The following MAN1A1 variants were observed in gnomAD, a reference collection of about 807,000 sequenced individuals.
The protein encoded by MAN1A1 is mannosyl-oligosaccharide 1,2-alpha-mannosidase IA.
MAN1A1 carries 29 observed loss-of-function variants against 70.8 expected under a neutral mutation model. That is an observed-to-expected ratio of 0.41 (90% CI 0.31 to 0.56). MAN1A1 has a LOEUF of 0.56. Ranked by LOEUF, MAN1A1 falls within the 20% of genes least tolerant of loss-of-function variation. The probability of loss-of-function intolerance (pLI) is 0.29; values close to 1 mark genes in which losing one functional copy is unlikely to be tolerated. For missense variants in MAN1A1, 747 were observed against 841.3 expected (o/e 0.89, Z 1.39); for synonymous variants, 349 against 330.1 (o/e 1.06, Z -0.62).
chr6:119,214,009 G>C (rs1263015114), intron 6 of MAN1A1, among the ~76,000 whole-genome samples: 1 of 152,072 alleles, frequency 6.6e-6, no homozygotes, highest in Non-Finnish European at 1.5e-5. Flanking sequence ...CTGTCAGCCA[G>C]GCTGGAGTGC....
At chr6:119,223,436 G>A (rs1320540421) in intron 6 of MAN1A1, among the ~76,000 whole-genome samples, 1 of 152,022 alleles carries the variant, frequency 6.6e-6, no homozygotes, top group African/African-American at 2.4e-5. Context: ...ACATTTCATA[G>A]GTGGCACTGA....
intron 6 of MAN1A1, among the ~76,000 whole-genome samples, chr6:119,209,906 T>A (rs967412568): frequency 5.9e-5 from 9 of 152,182 alleles, no homozygotes; most frequent in Non-Finnish European, 1.3e-4. Flanking sequence ...AGCTATTTAC[T>A]GAATTAACCC....
chr6:119,218,296 C>A (rs1774263375), intron 6 of MAN1A1, among the ~76,000 whole-genome samples: 1 of 152,002 alleles, frequency 6.6e-6, no homozygotes, highest in South Asian at 2.1e-4. Context: ...TCTCCTCTCA[C>A]CTAAGATTAT....
intron 5 of MAN1A1, among the ~76,000 whole-genome samples, chr6:119,274,191 A>G (rs1474817548): frequency 6.6e-6 from 1 of 152,206 alleles, no homozygotes; most frequent in East Asian, 1.9e-4. Flanking sequence ...AACATACTAT[A>G]AAATGTTCAC....
chr6:119,208,791 TAAGGTAACTCA>T (rs1258131075), intron 6 of MAN1A1, among the ~76,000 whole-genome samples: 2 of 152,056 alleles, frequency 1.3e-5, no homozygotes, highest in African/African-American at 4.8e-5. Context: ...AATCTTAAAT[TAAGGTAACTCA>T]AGGTACAGGT....
intron 6 of MAN1A1, among the ~76,000 whole-genome samples, chr6:119,232,146 G>A (rs921608997): frequency 6.6e-6 from 1 of 152,108 alleles, no homozygotes; most frequent in East Asian, 1.9e-4. Flanking sequence ...GCCGAGGCAG[G>A]CGGATCACGA....
chr6:119,219,664 T>G (rs185445040), intron 6 of MAN1A1, among the ~76,000 whole-genome samples: 5 of 151,094 alleles, frequency 3.3e-5, no homozygotes, highest in African/African-American at 1.2e-4. Context: ...CACTTGGAGA[T>G]AGAATTGTAA....
chr6:119,268,879 C>A (rs1333173098), intron 5 of MAN1A1, among the ~76,000 whole-genome samples: 1 of 152,152 alleles, frequency 6.6e-6, no homozygotes, highest in Non-Finnish European at 1.5e-5. Context: ...ATGTGCCCGG[C>A]CCTCATTTTT....
In MAN1A1 at chr6:119,201,332, T is replaced by G. The variant is rs1562189315; in HGVS notation, c.1132A>C (p.Thr378Pro). Reference sequence around the variant, plus strand: ...GGTTTTTCCAGTTTGTTCAGTACTGTTCGAATATTCATTACCTATAATAGA... The same window carrying G: ...GGTTTTTCCAGTTTGTTCAGTACTGGTCGAATATTCATTACCTATAATAGA... ...IFAEKVMNIR[T>P]VLNKLEKPQG... The change falls in exon 8 of 13, where the codon ACA (threonine) becomes CCA (proline). Residue 378 changes from threonine to proline, a missense_variant. Thr to Pro is a conservative substitution (Grantham distance 38). Transcript: ENST00000368468. 1 of 1,609,402 alleles carries G rather than the reference T, an allele frequency of 6.2e-7. No homozygotes were observed.
chr6:119,320,210 G>C (rs1772969815), intron 2 of MAN1A1, among the ~76,000 whole-genome samples: 1 of 152,128 alleles, frequency 6.6e-6, no homozygotes, highest in Non-Finnish European at 1.5e-5. Flanking sequence ...TTTACCTCGT[G>C]ATCTGCCTGC....
chr6:119,350,397 A>G (rs994767530), upstream of MAN1A1: 1 of 296,884 alleles, frequency 3.4e-6, no homozygotes, highest in Admixed American at 6.5e-5. Flanking sequence ...ATCCTTTTAC[A>G]TCCTAAGAGA....
intron 2 of MAN1A1, among the ~76,000 whole-genome samples, chr6:119,316,181 T>G (rs1050671477): frequency 1.3e-5 from 2 of 149,798 alleles, no homozygotes; most frequent in African/African-American, 4.9e-5. Flanking sequence ...GTGGGTTTTT[T>G]TTTTTTTTTT....
intron 6 of MAN1A1, among the ~76,000 whole-genome samples, chr6:119,243,028 A>G (rs1775053940): frequency 6.6e-6 from 1 of 152,106 alleles, no homozygotes; most frequent in East Asian, 1.9e-4. Context: ...ATACTTAGAA[A>G]GATGTAACTT....
intron 9 of MAN1A1, among the ~76,000 whole-genome samples, chr6:119,191,050 G>A (rs1012728050): frequency 6.6e-6 from 1 of 152,170 alleles, no homozygotes; most frequent in Non-Finnish European, 1.5e-5. Context: ...CACACAGGAA[G>A]CTAAAACCTT....
intron 5 of MAN1A1, among the ~76,000 whole-genome samples, chr6:119,277,851 G>A (rs1475240507): frequency 6.9e-6 from 1 of 145,138 alleles, no homozygotes; most frequent in Admixed American, 7.0e-5. Flanking sequence ...GCGGGAGAAT[G>A]GCATGAACCT....
At chr6:119,261,324 G>A (rs1012479331) in intron 5 of MAN1A1, among the ~76,000 whole-genome samples, 9 of 152,152 alleles carry the variant, frequency 5.9e-5, no homozygotes, top group African/African-American at 1.7e-4. Context: ...TTTCAACATA[G>A]TTGAAACTTT....
chr6:119,327,793 G>A (rs1213915405), intron 2 of MAN1A1, among the ~76,000 whole-genome samples: 1 of 152,116 alleles, frequency 6.6e-6, no homozygotes. Flanking sequence ...ATTTTGAAAT[G>A]TGTACACCAT....
At chr6:119,254,643 A>T (rs977692956) in intron 5 of MAN1A1, among the ~76,000 whole-genome samples, 1 of 152,150 alleles carries the variant, frequency 6.6e-6, no homozygotes, top group Non-Finnish European at 1.5e-5. Context: ...CTAATAGAAG[A>T]TATTTTTAAA....
At chr6:119,204,467 C>T (rs1773803397) in intron 7 of MAN1A1, among the ~76,000 whole-genome samples, 2 of 152,100 alleles carry the variant, frequency 1.3e-5, no homozygotes, top group African/African-American at 2.4e-5. Context: ...GCATTTATTA[C>T]TAAATATTTT....
Sources: allele counts gnomAD v4.1 joint callset (sites outside exome capture counted in the v4.1 genomes callset), GRCh38; gene constraint gnomAD v4.1.1; transcripts MANE v1.5; gene names NCBI Gene and HGNC (gene_info 2026-07-23, HGNC 2026-07-21).